SLC67A2: variants seen among roughly 807,000 people sequenced by gnomAD.
The protein encoded by SLC67A2 is solute carrier family 67 member 2, also known as solute carrier family 67 member A2.
At chr2:102,718,845 C>T in the SLC67A2 span, 267 of 1,613,976 alleles carry the variant, frequency 1.7e-4, 1 homozygote, top group Middle Eastern at 1.8e-3. Flanking sequence ...AGGCCGGCCA[C>T]GGCCCCCAGC....
the SLC67A2 span, chr2:102,736,846 C>A: frequency 1.9e-6 from 3 of 1,568,470 alleles, no homozygotes; most frequent in Admixed American, 1.8e-5. Context: ...CAGCAGCAGC[C>A]GCGGACCTAC....
the SLC67A2 span, among the ~76,000 whole-genome samples, chr2:102,723,399 G>A: frequency 5.3e-5 from 8 of 152,074 alleles, no homozygotes; most frequent in Non-Finnish European, 1.2e-4. Context: ...AATCTGGGAC[G>A]GGGAGGTTGC....
At chr2:102,731,894 A>G in the SLC67A2 span, 1 of 312,730 alleles carries the variant, frequency 3.2e-6, no homozygotes, top group African/African-American at 2.2e-5. Context: ...ACGGTGTGAG[A>G]AGCTTGCAAC....
At chr2:102,736,070 C>T in the SLC67A2 span, among the ~76,000 whole-genome samples, 9 of 152,184 alleles carry the variant, frequency 5.9e-5, no homozygotes, top group Non-Finnish European at 2.9e-5. Context: ...GCACACACAT[C>T]ATGATGAAAC....
At chr2:102,729,846 C>T in the SLC67A2 span, among the ~76,000 whole-genome samples, 33 of 152,240 alleles carry the variant, frequency 2.2e-4, no homozygotes, top group Middle Eastern at 3.4e-3. Context: ...ATATGAAATA[C>T]TTCAATAAAT....
the SLC67A2 span, chr2:102,718,460 T>C: frequency 6.2e-7 from 1 of 1,613,846 alleles, no homozygotes; most frequent in South Asian, 1.1e-5. Flanking sequence ...ACCACTAGAG[T>C]GTCGCTTGTT....
At chr2:102,719,055 C>A in the SLC67A2 span, 2 of 1,614,234 alleles carry the variant, frequency 1.2e-6, no homozygotes, top group Non-Finnish European at 1.7e-6. Flanking sequence ...CAGGGCTGGG[C>A]AGTCTTCTTG....
chr2:102,725,344 A>G, the SLC67A2 span, among the ~76,000 whole-genome samples: 3 of 152,228 alleles, frequency 2.0e-5, no homozygotes, highest in Non-Finnish European at 2.9e-5. Context: ...TGTGAAGATC[A>G]TAGTGACGGT....
the SLC67A2 span, chr2:102,715,735 A>G: frequency 6.6e-6 from 1 of 152,160 alleles, no homozygotes; most frequent in Admixed American, 6.5e-5. Flanking sequence ...CCCTATGAAG[A>G]TATTTTTGAC....
the SLC67A2 span, among the ~76,000 whole-genome samples, chr2:102,722,341 G>A: frequency 6.6e-6 from 1 of 152,174 alleles, no homozygotes; most frequent in Non-Finnish European, 1.5e-5. Flanking sequence ...AAGCCAGCAT[G>A]GCCAGAATGT....
At chr2:102,719,033 A>G in the SLC67A2 span, 1 of 1,614,230 alleles carries the variant, frequency 6.2e-7, no homozygotes, top group Admixed American at 1.7e-5. Flanking sequence ...CAAGGCCAAC[A>G]CTACTTCGAC....
the SLC67A2 span, chr2:102,727,054 C>A: frequency 1.3e-6 from 2 of 1,485,296 alleles, no homozygotes; most frequent in South Asian, 1.3e-5. Flanking sequence ...ACAAAGTGAC[C>A]AGGGGAAAAC....
chr2:102,714,876 T>C, the SLC67A2 span, among the ~76,000 whole-genome samples: 1 of 152,172 alleles, frequency 6.6e-6, no homozygotes, highest in Admixed American at 6.5e-5. Flanking sequence ...AAATAGCTGT[T>C]TTCTGAATGC....
At chr2:102,723,827 T>A in the SLC67A2 span, 1 of 1,614,020 alleles carries the variant, frequency 6.2e-7, no homozygotes, top group Non-Finnish European at 8.5e-7. Flanking sequence ...TGTTGAAGTG[T>A]CCGATTACAA....
At chr2:102,716,801 C>G in the SLC67A2 span, 2 of 152,224 alleles carry the variant, frequency 1.3e-5, no homozygotes, top group Non-Finnish European at 2.9e-5. Flanking sequence ...CTTCAACTGT[C>G]TGACAGGAAG....
At chr2:102,719,564 A>G in the SLC67A2 span, among the ~76,000 whole-genome samples, 863 of 152,316 alleles carry the variant, frequency 5.7e-3, 10 homozygotes, top group African/African-American at 0.02. Context: ...CTGCCTATTC[A>G]TTATCTGTCT....
chr2:102,729,555 C>T, the SLC67A2 span, among the ~76,000 whole-genome samples: 1 of 152,186 alleles, frequency 6.6e-6, no homozygotes, highest in African/African-American at 2.4e-5. Flanking sequence ...ATACGACATT[C>T]TGCTTGACAA....
chr2:102,716,221 C>T, the SLC67A2 span: 1 of 152,074 alleles, frequency 6.6e-6, no homozygotes, highest in East Asian at 1.9e-4. Context: ...TATAAAGACT[C>T]ATTAAGTTTA....
chr2:102,723,561 G>A, the SLC67A2 span: 1 of 760,078 alleles, frequency 1.3e-6, no homozygotes, highest in Non-Finnish European at 2.1e-6. Flanking sequence ...CACTAGGGGG[G>A]GTTCCTCAAA....
Sources: allele counts gnomAD v4.1 joint callset (sites outside exome capture counted in the v4.1 genomes callset), GRCh38; gene constraint gnomAD v4.1.1; transcripts MANE v1.5; gene names NCBI Gene and HGNC (gene_info 2026-07-23, HGNC 2026-07-21).